Variants in FAM107B observed in about 807,000 individuals in gnomAD.
FAM107B encodes protein FAM107B.
A neutral mutation model predicts 31.5 loss-of-function variants in FAM107B; 21 were observed. That is an observed-to-expected ratio of 0.67 (90% confidence interval 0.47 to 0.96). The LOEUF (loss-of-function observed/expected upper bound fraction) is 0.96, where lower values mean the gene tolerates loss of function less well. Ranked by LOEUF, FAM107B falls within the 40% of genes least tolerant of loss-of-function variation. The pLI is 0.00. For synonymous variants in FAM107B, 157 were observed against 141.5 expected (o/e 1.11, Z -0.78); for missense variants, 452 against 377.1 (o/e 1.20, Z -1.64).
chr10:14,696,977 C>T lies in FAM107B; in HGVS notation c.412-29286G>A, dbSNP rs565999363. Among the ~76,000 whole-genome samples, 4 of 152,256 alleles carry T rather than the reference C, an allele frequency of 2.6e-5. No individual in the cohort carries two copies. The East Asian group carries it at 7.7e-4, about 29-fold the overall frequency. On this transcript the variant is annotated intron_variant, in intron 1 of 4. Transcript: ENST00000181796. ...CTGAATCAACTGTGTCCCCAACCCC[C>T]ACTACTACGCAACCAGGCCTAACAA...
chr10:14,596,024 G>A (rs568122937), intron 2 of FAM107B, among the ~76,000 whole-genome samples: 2 of 152,156 alleles, frequency 1.3e-5, no homozygotes, highest in Non-Finnish European at 2.9e-5. Context: ...TCCTCACCGT[G>A]GCCTGCCAGA....
At chr10:14,623,748 C>T (rs773570808) in intron 2 of FAM107B, among the ~76,000 whole-genome samples, 28 of 152,150 alleles carry the variant, frequency 1.8e-4, no homozygotes, top group African/African-American at 3.4e-4. Flanking sequence ...ATTGCTTGAA[C>T]CTGGGAGGAG....
intron 2 of FAM107B, among the ~76,000 whole-genome samples, chr10:14,571,309 T>C (rs4442435): frequency 0.65 from 98,249 of 151,962 alleles, 32,133 homozygotes; most frequent in East Asian, 0.77. Flanking sequence ...TCATAACAAG[T>C]ACTTCAAAAT....
chr10:14,568,668 G>A lies in FAM107B; in HGVS notation c.470-38153C>T, dbSNP rs1564575231. Among the ~76,000 whole-genome samples, 2 of 152,258 alleles carry A rather than the reference G, an allele frequency of 1.3e-5. 1 individual carries two copies. The highest frequency in any genetic ancestry group is 2.9e-5 in the Non-Finnish European group (2 of 68,038). On this transcript the variant is annotated intron_variant, in intron 2 of 4. Coordinates refer to ENST00000181796, the MANE Select transcript of FAM107B (RefSeq NM_031453.4). Reference sequence around the variant, plus strand: ...TAGACCAGGAGGTGAAGATACTCGGGTAGGAGAAGGGTGGCTGATCTCTGG... The same window carrying A: ...TAGACCAGGAGGTGAAGATACTCGGATAGGAGAAGGGTGGCTGATCTCTGG...
intron 1 of FAM107B, among the ~76,000 whole-genome samples, chr10:14,669,639 T>C (rs567902327): frequency 6.6e-5 from 10 of 152,354 alleles, no homozygotes; most frequent in African/African-American, 2.4e-4. Context: ...TGAAATAAGC[T>C]AGGCATGGAA....
intron 2 of FAM107B, among the ~76,000 whole-genome samples, chr10:14,650,803 G>C (rs973731570): frequency 2.0e-5 from 3 of 152,136 alleles, no homozygotes; most frequent in Admixed American, 6.5e-5. Flanking sequence ...ATTTCAAGAA[G>C]TCGTATATGC....
intron 1 of FAM107B, among the ~76,000 whole-genome samples, chr10:14,699,652 C>T (rs1855349403): frequency 6.6e-6 from 1 of 152,232 alleles, no homozygotes; most frequent in Non-Finnish European, 1.5e-5. Context: ...CTTCCAGGAA[C>T]ACCCTCACAG....
chr10:14,769,591 G>A (rs1833255334), intron 1 of FAM107B, among the ~76,000 whole-genome samples: 1 of 152,034 alleles, frequency 6.6e-6, no homozygotes, highest in Non-Finnish European at 1.5e-5. Flanking sequence ...TCACGATGTT[G>A]GCCAGGCTGG....
intron 2 of FAM107B, chr10:14,556,208 T>TG (rs1849686743): frequency 4.0e-6 from 1 of 248,730 alleles, no homozygotes; most frequent in South Asian, 1.5e-4. Flanking sequence ...TGACTAACAA[T>TG]GACTAGCTTA....
rs1855639942 is a variant in FAM107B, at chr10:14,711,268, G to C, written c.412-43577C>G. ...GTGTACAGCATTTATAAAGGCTACA[G>C]TAGTATGCAGTAATGTCCTAGGCCT... On this transcript the variant is annotated intron_variant, in intron 1 of 4. Coordinates refer to ENST00000181796, the MANE Select transcript of FAM107B (RefSeq NM_031453.4). Among the ~76,000 whole-genome samples the C allele has an allele frequency of 2.0e-5, 3 of 152,312 alleles. 1 individual carries two copies. The highest frequency in any genetic ancestry group is 4.4e-5 in the Non-Finnish European group (3 of 68,028).
At chr10:14,736,180 G>A (rs1220759313) in intron 1 of FAM107B, among the ~76,000 whole-genome samples, 1 of 152,138 alleles carries the variant, frequency 6.6e-6, no homozygotes, top group Non-Finnish European at 1.5e-5. Flanking sequence ...AACTGGACAA[G>A]CTGAAAGGGA....
chr10:14,712,642 G>C (rs1588723042), intron 1 of FAM107B, among the ~76,000 whole-genome samples: 1 of 118,308 alleles, frequency 8.5e-6, no homozygotes, highest in East Asian at 2.5e-4. Flanking sequence ...GAAGAAGTTG[G>C]GATAAATGAA....
intron 2 of FAM107B, among the ~76,000 whole-genome samples, chr10:14,658,315 C>T (rs1854126868): frequency 6.6e-6 from 1 of 152,154 alleles, no homozygotes; most frequent in Admixed American, 6.5e-5. Context: ...CTTCCTGTGA[C>T]CCCACAGACT....
intron 1 of FAM107B, among the ~76,000 whole-genome samples, chr10:14,697,416 T>C (rs1284691151): frequency 6.6e-6 from 1 of 152,264 alleles, no homozygotes; most frequent in African/African-American, 2.4e-5. Flanking sequence ...TGCAGGGCTC[T>C]GCATTTATGT....
chr10:14,674,950 C>T (rs773623538), intron 1 of FAM107B, among the ~76,000 whole-genome samples: 34 of 151,986 alleles, frequency 2.2e-4, no homozygotes, highest in Non-Finnish European at 3.8e-4. Context: ...CGTTGTGCTC[C>T]GAAAGTGCTG....
chr10:14,601,154 C>G (rs1418329077), intron 2 of FAM107B, among the ~76,000 whole-genome samples: 1 of 152,218 alleles, frequency 6.6e-6, no homozygotes, highest in East Asian at 1.9e-4. Context: ...CACTGAATGT[C>G]TGGTGAATGG....
chr10:14,668,613 T>C (rs562773911), intron 1 of FAM107B, among the ~76,000 whole-genome samples: 37 of 152,330 alleles, frequency 2.4e-4, no homozygotes, highest in African/African-American at 8.7e-4. Flanking sequence ...AATATCTAAA[T>C]GATCCTTTTC....
intron 2 of FAM107B, among the ~76,000 whole-genome samples, chr10:14,646,064 C>T (rs188178483): frequency 1.6e-4 from 25 of 152,204 alleles, no homozygotes; most frequent in African/African-American, 4.3e-4. Flanking sequence ...AGTGTCCTCT[C>T]GGGGAAGAGG....
At chr10:14,521,739 T>G in intron 4 of FAM107B, 130 bp downstream of exon 4, 1 of 1,349,108 alleles carries the variant, frequency 7.4e-7, no homozygotes, top group South Asian at 1.4e-5. Context: ...TTGCTGACAT[T>G]TGTCTCCAAT....
Sources: allele counts gnomAD v4.1 joint callset (sites outside exome capture counted in the v4.1 genomes callset), GRCh38; gene constraint gnomAD v4.1.1; transcripts MANE v1.5; gene names NCBI Gene and HGNC (gene_info 2026-07-23, HGNC 2026-07-21).